Variants in SIK3 observed in about 807,000 individuals in gnomAD.
SIK3 encodes the protein serine/threonine-protein kinase SIK3.
SIK3 carries 28 observed loss-of-function variants against 144.2 expected under a neutral mutation model. The ratio of observed to expected loss-of-function variants is 0.19; its 90% CI spans 0.14 to 0.27. The LOEUF is 0.27. Ranked by LOEUF, SIK3 falls within the 10% of genes least tolerant of loss-of-function variation. SIK3 has a pLI of 1.00. For missense variants in SIK3, 1,319 were observed against 1,776.0 expected, an observed-to-expected ratio of 0.74 and a Z score of 4.62; for synonymous variants, 686 against 676.3, an observed-to-expected ratio of 1.01 and a Z score of -0.22.
chr11:117,045,438 A>T (rs565585387), intron 1 of SIK3, among the ~76,000 whole-genome samples: 33 of 152,312 alleles, frequency 2.2e-4, no homozygotes, highest in African/African-American at 7.7e-4. Flanking sequence ...CCCGCCCATA[A>T]GAGTGAACGG....
At chr11:116,869,767 T>G (rs1271150486) in intron 14 of SIK3, 8 of 241,638 alleles carry the variant, frequency 3.3e-5, no homozygotes, top group Non-Finnish European at 6.6e-5. Flanking sequence ...GTTAGGCATC[T>G]CTCAACAAGG....
In SIK3 at chr11:116,858,254, T is replaced by A. The variant is rs1466812330; in HGVS notation, c.3211A>T (p.Asn1071Tyr). 4 of 1,614,022 alleles carry A rather than the reference T, an allele frequency of 2.5e-6. No individual in the cohort carries two copies. The highest frequency in any genetic ancestry group is 3.4e-6 in the Non-Finnish European group (4 of 1,179,948). ...QEYQELFRHM[N>Y]QGDAGSLAPS... ...GCCAGACTCCCCGCATCCCCTTGGT[T>A]CATGTGCCTGAACAGTTCCTGGTAT... is the stretch of plus-strand genomic sequence containing the variant. Residue 1071 changes from asparagine (N) to tyrosine (Y), a missense_variant, in exon 21 of 25, where the codon AAC (asparagine) becomes TAC (tyrosine). Coordinates refer to ENST00000445177, the MANE Select transcript of SIK3 (RefSeq NM_001366686.3). This position sits in a 1 kb window ranked among gnomAD's most constrained non-coding sequence, Gnocchi z 5.4.
rs777161836 is a variant in SIK3, at chr11:116,861,802, C to T, written c.2315+39G>A. On this transcript the variant is annotated intron_variant, in intron 18 of 24. Transcript: ENST00000445177. Reference sequence around the variant, plus strand: ...AGTCAAGCCAAGGGTACCAGGCTATCGAGACAATGGCTTAGGCACAACACA... The same window carrying T: ...AGTCAAGCCAAGGGTACCAGGCTATTGAGACAATGGCTTAGGCACAACACA... 31 of 1,399,238 alleles carry T rather than the reference C, an allele frequency of 2.2e-5. 1 individual carries two copies. In the African/African-American group the frequency reaches 3.5e-4, roughly 16 times the overall value. 86.7% of individuals were successfully genotyped at this position (1,399,238 alleles called of 1,614,324 possible).
chr11:116,937,626 C>T (rs1947991284), intron 3 of SIK3, among the ~76,000 whole-genome samples: 1 of 152,140 alleles, frequency 6.6e-6, no homozygotes, highest in Non-Finnish European at 1.5e-5. Context: ...ATCAATCAGT[C>T]TCTCCCCTCA....
At chr11:117,081,934 C>T (rs546913256) in intron 1 of SIK3, among the ~76,000 whole-genome samples, 2 of 152,190 alleles carry the variant, frequency 1.3e-5, no homozygotes, top group African/African-American at 4.8e-5. Flanking sequence ...TCTTACAACT[C>T]AGCAATAAAA....
chr11:116,990,570 T>G (rs1950470025), intron 1 of SIK3, among the ~76,000 whole-genome samples: 1 of 152,134 alleles, frequency 6.6e-6, no homozygotes, highest in South Asian at 2.1e-4. Context: ...AAAACATTAA[T>G]AGGCCACTAC....
At chr11:116,851,949 T>A (rs1398096993) in intron 21 of SIK3, among the ~76,000 whole-genome samples, 10 of 152,248 alleles carry the variant, frequency 6.6e-5, no homozygotes, top group Admixed American at 6.5e-4. Context: ...CTTTGATAAC[T>A]AACATCATCC....
intron 13 of SIK3, 77 bp from the exon 14 acceptor site, chr11:116,870,478 G>C: frequency 6.3e-7 from 1 of 1,591,176 alleles, no homozygotes; most frequent in Non-Finnish European, 8.6e-7. Context: ...ACTGGGCTTG[G>C]GGCAGGACTT....
chr11:116,920,334 T>C (rs1281186517), intron 4 of SIK3, among the ~76,000 whole-genome samples: 4 of 152,190 alleles, frequency 2.6e-5, no homozygotes, highest in Non-Finnish European at 5.9e-5. Context: ...TCTCCAGCCA[T>C]GCTGGACTTT....
At chr11:117,014,963 C>T (rs1951456342) in intron 1 of SIK3, among the ~76,000 whole-genome samples, 1 of 152,042 alleles carries the variant, frequency 6.6e-6, no homozygotes, top group African/African-American at 2.4e-5. Flanking sequence ...ACTCAGGAGG[C>T]TGAGGCAGGA....
intron 1 of SIK3, among the ~76,000 whole-genome samples, chr11:116,994,857 A>C (rs1264439306): frequency 6.6e-6 from 1 of 151,450 alleles, no homozygotes; most frequent in Non-Finnish European, 1.5e-5. Context: ...TTCATTCCTC[A>C]AACAAAACAG....
intron 1 of SIK3, among the ~76,000 whole-genome samples, chr11:117,013,915 G>GGGGGTGTGTGTGTGTGT (rs1206309055): frequency 4.2e-5 from 1 of 23,618 alleles, no homozygotes; most frequent in Non-Finnish European, 1.3e-4. Flanking sequence ...GGGGGGGGAG[G>GGGGGTGTGTGTGTGTGT]GTGTGTGTGT....
chr11:116,951,592 C>A (rs1948937534), intron 3 of SIK3, among the ~76,000 whole-genome samples: 1 of 151,924 alleles, frequency 6.6e-6, no homozygotes, highest in South Asian at 2.1e-4. Context: ...TTTGTTCATC[C>A]CTTGAGGTAC....
chr11:117,018,607 A>AAC (rs1307534155), intron 1 of SIK3, among the ~76,000 whole-genome samples: 1 of 152,206 alleles, frequency 6.6e-6, no homozygotes, highest in Non-Finnish European at 1.5e-5. Flanking sequence ...CAAGTGGGCA[A>AAC]ATGTTGCTGG....
intron 1 of SIK3, among the ~76,000 whole-genome samples, chr11:117,087,552 C>T (rs555615967): frequency 2.6e-5 from 4 of 152,280 alleles, no homozygotes; most frequent in Non-Finnish European, 4.4e-5. Flanking sequence ...TGTACTATAT[C>T]TATGGGACTA....
In SIK3 at chr11:117,097,740, G is replaced by A. The variant is rs35814993; in HGVS notation, c.273+403C>T. Among the ~76,000 whole-genome samples, 480 of 152,094 alleles carry A rather than the reference G, an allele frequency of 3.2e-3. 1 individual carries two copies. Among genetic ancestry groups the A allele is most frequent in the Non-Finnish European group, 5.9e-3 (401 of 67,968 alleles). ...ACCCTTGTTTTTCCCCATCCTCCGG[G>A]TCCACATTTCATATGCCCCTGCCCT... On this transcript the variant is annotated intron_variant, in intron 1 of 24. Transcript: ENST00000445177.
intron 3 of SIK3, among the ~76,000 whole-genome samples, chr11:116,928,511 A>C (rs555308459): frequency 9.2e-5 from 14 of 152,248 alleles, no homozygotes; most frequent in Non-Finnish European, 1.6e-4. Flanking sequence ...GGTAGAATAC[A>C]CAATTGTTTT....
intron 4 of SIK3, among the ~76,000 whole-genome samples, chr11:116,922,896 T>A (rs1947065401): frequency 6.8e-6 from 1 of 147,746 alleles, no homozygotes. Flanking sequence ...TAATTTCTCC[T>A]TTTCTTTTCT....
intron 1 of SIK3, among the ~76,000 whole-genome samples, chr11:116,984,436 G>A (rs1368675466): frequency 6.6e-6 from 1 of 152,184 alleles, no homozygotes; most frequent in Non-Finnish European, 1.5e-5. Context: ...TACCCTATAA[G>A]CAGCATGCGT....
Sources: allele counts gnomAD v4.1 joint callset (sites outside exome capture counted in the v4.1 genomes callset), GRCh38; gene constraint gnomAD v4.1.1; non-coding constraint Gnocchi (gnomAD v3.1); transcripts MANE v1.5; gene names NCBI Gene and HGNC (gene_info 2026-07-23, HGNC 2026-07-21).